The following ALG13 variants were observed in gnomAD, a reference collection of about 807,000 sequenced individuals.
The protein encoded by ALG13 is ALG13 UDP-N-acetylglucosaminyltransferase subunit, also known as UDP-N-acetylglucosamine transferase subunit ALG13.
In ALG13, 11 loss-of-function variants were observed where a neutral mutation model predicts 87.8. The observed-to-expected ratio is 0.13, with a 90% CI of 0.08 to 0.21. ALG13 has a LOEUF of 0.21. ALG13 is among the 10% of genes least tolerant of loss of function. The pLI is 1.00. For missense variants in ALG13, 756 were observed against 866.1 expected (o/e 0.87, Z 1.60); for synonymous variants, 320 against 306.3 (o/e 1.04, Z -0.47).
intron 23 of ALG13, among the ~76,000 whole-genome samples, chrX:111,738,249 T>G (rs1294492172): frequency 8.9e-6 from 1 of 112,445 alleles, no homozygotes; most frequent in East Asian, 2.8e-4. Flanking sequence ...GACTAAACTG[T>G]AATGAGCTTG....
At chrX:111,717,513 T>C (rs977855736) in intron 8 of ALG13, among the ~76,000 whole-genome samples, 4 of 109,942 alleles carry the variant, frequency 3.6e-5, no homozygotes, top group Non-Finnish European at 3.8e-5. Context: ...CTTTCTGTTA[T>C]GTTCAATAAC....
chrX:111,753,466 G>C (rs1944939162), intron 25 of ALG13, among the ~76,000 whole-genome samples: 1 of 112,039 alleles, frequency 8.9e-6, no homozygotes, highest in South Asian at 3.7e-4. Context: ...AGAGCTGATA[G>C]AGACACAAAA....
chrX:111,742,208 G>A lies in ALG13; in HGVS notation c.2696-2460G>A, dbSNP rs950876289. Among the ~76,000 whole-genome samples the A allele has an allele frequency of 2.7e-5, 3 of 110,976 alleles. No individual in the cohort carries two copies. In the Admixed American group the frequency reaches 2.9e-4, roughly 11 times the overall value. ...TTCTTGTCAATCCTATAGATGAAAC[G>A]ACTGATTTTTCCCACTTTGTTCTTC... On this transcript the variant is annotated intron_variant, in intron 23 of 26. Coordinates refer to ENST00000394780, the MANE Select transcript of ALG13 (RefSeq NM_001099922.3).
At chrX:111,723,133 TTTTA>T (rs1056782413) in intron 13 of ALG13, among the ~76,000 whole-genome samples, 27 of 107,551 alleles carry the variant, frequency 2.5e-4, no homozygotes, top group South Asian at 2.5e-3. Flanking sequence ...TTTTTTTTAT[TTTTA>T]TTTATTTATT....
Position 111,688,323 on chromosome X carries a change from T to C in ALG13, c.383+3220T>C, listed in dbSNP as rs1283635047. 4 of 718,388 alleles carry C rather than the reference T, an allele frequency of 5.6e-6. No individual in the cohort carries two copies. The Admixed American group carries it at 3.5e-4, about 64-fold the overall frequency. The allele number at this position is 718,388 out of a possible 1,213,427, so 59.2% of individuals were successfully genotyped here. A position where few individuals can be genotyped will look rare whatever the true frequency, so the allele number is the denominator to read the frequency against. ...ACTTTCACAAAGATTATAAATGTAG[T>C]TAGTTTGATACTCCTTAGAATAAAA... On this transcript the variant is annotated intron_variant, in intron 3 of 26. Coordinates refer to ENST00000394780, the MANE Select transcript of ALG13 (RefSeq NM_001099922.3).
intron 12 of ALG13, among the ~76,000 whole-genome samples, chrX:111,722,498 G>C (rs1053070292): frequency 8.9e-6 from 1 of 112,297 alleles, no homozygotes; most frequent in Admixed American, 9.4e-5. Context: ...TTGAGAAGCT[G>C]AATAATGTTA....
At position 111,727,389 on chromosome X, in the gene ALG13, C is replaced by T; in HGVS notation, c.2034C>T (p.Tyr678=). The T allele has an allele frequency of 8.3e-7, 1 of 1,209,791 alleles. No homozygotes were observed. Among genetic ancestry groups the T allele is most frequent in the Non-Finnish European group, 1.1e-6 (1 of 894,519 alleles). Residue 678 remains tyrosine, a synonymous_variant, in exon 17 of 27, where the codon TAC becomes TAT. Transcript: ENST00000394780. The stretch of plus-strand genomic sequence containing the variant: ...TGCCGGGCCCTAAAGTTGATTTTTA[C>T]CCAGGCCCAGGTAAAAGGTGCTGCC... ...HNMPGPKVDF[Y]PGPGKRCCQS... is the part of the protein sequence containing the mutation.
rs1481299323 is a variant in ALG13, at chrX:111,759,955, G to A, written c.3370G>A (p.Ala1124Thr). 5 of 1,208,670 alleles carry A rather than the reference G, an allele frequency of 4.1e-6. No individual in the cohort carries two copies. The highest frequency in any genetic ancestry group is 2.3e-4 in the Middle Eastern group (1 of 4,375). The change falls in exon 27 of 27, where the codon GCT becomes ACT. Residue 1124 changes from alanine to threonine, a missense_variant. Ala to Thr is a moderately conservative substitution (Grantham distance 58). Around this residue, in one of 9 missense-constraint regions of ALG13, gnomAD observed 110 missense variants for 104.9 expected, o/e 1.05. Coordinates refer to ENST00000394780, the MANE Select transcript of ALG13 (RefSeq NM_001099922.3). ...AINPGPIGCI[A>T]PSPPASHYVP... ...AAATCCTGGGCCAATTGGCTGTATT[G>A]CTCCATCTCCCCCAGCTTCTCATTA...
At chrX:111,747,575 C>T (rs1407436724) in intron 24 of ALG13, among the ~76,000 whole-genome samples, 1 of 111,422 alleles carries the variant, frequency 9.0e-6, no homozygotes, top group African/African-American at 3.3e-5. Flanking sequence ...CAACCTCTGC[C>T]TCCCGGGCTC....
Position 111,681,362 on chromosome X carries a change from C to A in ALG13, c.81+63C>A, listed in dbSNP as rs778107761. ...CCACCCGCCATCTCCGGCCATACTGCCAGCCGCGTTAGCCTTGCCTGACCG... is the reference window on the plus strand; with the variant it reads ...CCACCCGCCATCTCCGGCCATACTGACAGCCGCGTTAGCCTTGCCTGACCG... On this transcript the variant is annotated intron_variant, in intron 1 of 26. Transcript: ENST00000394780. The A allele has an allele frequency of 5.8e-6, 7 of 1,205,275 alleles. No individual in the cohort carries two copies. In the Admixed American group the frequency reaches 1.5e-4, roughly 26 times the overall value.
At chrX:111,692,431 C>T (rs1207833798) in intron 3 of ALG13, among the ~76,000 whole-genome samples, 2 of 111,764 alleles carry the variant, frequency 1.8e-5, no homozygotes, top group African/African-American at 6.5e-5. Context: ...ACTTCTGTAA[C>T]CTAGTACTCT....
chrX:111,710,634 T>G (rs923946104), intron 5 of ALG13, among the ~76,000 whole-genome samples: 1 of 112,214 alleles, frequency 8.9e-6, no homozygotes, highest in African/African-American at 3.2e-5. Context: ...ATTGTGATGA[T>G]GATTTCATGG....
At chrX:111,735,000 G>A (rs535960175) in intron 21 of ALG13, 51 bp from the exon 22 acceptor site, 2 of 836,562 alleles carry the variant, frequency 2.4e-6, no homozygotes, top group African/African-American at 2.0e-5. Context: ...TTGAAACAAA[G>A]TTATTGATGT....
intron 23 of ALG13, among the ~76,000 whole-genome samples, chrX:111,738,157 A>C (rs1943412183): frequency 8.9e-6 from 1 of 112,518 alleles, no homozygotes; most frequent in African/African-American, 3.2e-5. Flanking sequence ...AGAATAACAT[A>C]AATCAGAATT....
Position 111,709,066 on chromosome X carries a change from C to G in ALG13, c.834+18C>G. 1 of 1,027,793 alleles carries G rather than the reference C, an allele frequency of 9.7e-7. No homozygotes were observed. The highest frequency in any genetic ancestry group is 1.3e-6 in the Non-Finnish European group (1 of 750,345). The allele number at this position is 1,027,793 out of a possible 1,213,427, so 84.7% of individuals were successfully genotyped here. A position where few individuals can be genotyped will look rare whatever the true frequency, so the allele number is the denominator to read the frequency against. On this transcript the variant is annotated intron_variant, in intron 5 of 26. Coordinates refer to ENST00000394780, the MANE Select transcript of ALG13 (RefSeq NM_001099922.3). ...TTGAGTCTGTAAGTAGAATACATAC[C>G]CAGGGGAGAACTGGTAGAGTGTGTA...
At chrX:111,740,966 A>G (rs1258793804) in intron 23 of ALG13, among the ~76,000 whole-genome samples, 2 of 112,241 alleles carry the variant, frequency 1.8e-5, no homozygotes, top group African/African-American at 6.5e-5. Context: ...CTAACTAATC[A>G]ATTAAAAAGT....
chrX:111,742,167 T>C (rs1943805551), intron 23 of ALG13, among the ~76,000 whole-genome samples: 1 of 112,053 alleles, frequency 8.9e-6, no homozygotes, highest in Non-Finnish European at 1.9e-5. Context: ...GGCTGATTTT[T>C]AGTTGCTCTT....
intron 3 of ALG13, among the ~76,000 whole-genome samples, chrX:111,687,625 T>C (rs1472815200): frequency 8.9e-6 from 1 of 112,505 alleles, no homozygotes; most frequent in Non-Finnish European, 1.9e-5. Context: ...GAAGACATTT[T>C]TCATGAAATA....
At chrX:111,724,874 A>G (rs1941803934) in intron 14 of ALG13, 60 bp from the exon 15 acceptor site, 7 of 1,153,150 alleles carry the variant, frequency 6.1e-6, no homozygotes, top group Non-Finnish European at 7.1e-6. Context: ...GGATACGTGT[A>G]TTGAATGAAA....
Sources: allele counts gnomAD v4.1 joint callset (sites outside exome capture counted in the v4.1 genomes callset), GRCh38; gene constraint gnomAD v4.1.1; regional missense constraint gnomAD v4.1.1; transcripts MANE v1.5; gene names NCBI Gene and HGNC (gene_info 2026-07-23, HGNC 2026-07-21).